The following CSTPP1 variants were observed in gnomAD, a reference collection of about 807,000 sequenced individuals.
CSTPP1 encodes the protein UPF0705 protein C11orf49.
the CSTPP1 span, among the ~76,000 whole-genome samples, chr11:47,032,912 A>G: frequency 6.6e-6 from 1 of 152,236 alleles, no homozygotes; most frequent in Non-Finnish European, 1.5e-5. Flanking sequence ...TGACCTTACC[A>G]ATAGCATTAA....
chr11:47,161,597 A>C, the CSTPP1 span: 1 of 1,613,914 alleles, frequency 6.2e-7, no homozygotes, highest in East Asian at 2.2e-5. Context: ...GGATGGAGAG[A>C]GTGATGGCTC....
At chr11:46,976,868 A>G in the CSTPP1 span, among the ~76,000 whole-genome samples, 3 of 152,142 alleles carry the variant, frequency 2.0e-5, no homozygotes, top group East Asian at 5.8e-4. Flanking sequence ...TTGCTTCCTG[A>G]GAATACTGAA....
the CSTPP1 span, among the ~76,000 whole-genome samples, chr11:46,966,310 G>C: frequency 2.6e-5 from 4 of 152,216 alleles, no homozygotes; most frequent in Admixed American, 2.6e-4. Context: ...CAAAGTGTTG[G>C]GATTACAGGC....
chr11:47,010,446 T>C, the CSTPP1 span, among the ~76,000 whole-genome samples: 1 of 152,234 alleles, frequency 6.6e-6, no homozygotes, highest in African/African-American at 2.4e-5. Context: ...CAGTAGCTGC[T>C]TATGGATCAG....
At chr11:46,968,346 TTTAA>T in the CSTPP1 span, among the ~76,000 whole-genome samples, 2 of 146,874 alleles carry the variant, frequency 1.4e-5, no homozygotes, top group African/African-American at 4.9e-5. Flanking sequence ...TATATATATA[TTTAA>T]TTAATATATA....
the CSTPP1 span, among the ~76,000 whole-genome samples, chr11:47,054,720 T>C: frequency 1.3e-5 from 2 of 152,110 alleles, no homozygotes; most frequent in South Asian, 4.2e-4. Flanking sequence ...AGAAGTCTGG[T>C]AGTAGTTGAG....
At chr11:46,950,897 G>A in the CSTPP1 span, among the ~76,000 whole-genome samples, 1 of 152,148 alleles carries the variant, frequency 6.6e-6, no homozygotes, top group Non-Finnish European at 1.5e-5. Flanking sequence ...AAAATGCTGG[G>A]ATTACAGCCA....
At chr11:47,038,811 C>G in the CSTPP1 span, among the ~76,000 whole-genome samples, 1 of 120,344 alleles carries the variant, frequency 8.3e-6, no homozygotes, top group Non-Finnish European at 2.0e-5. Flanking sequence ...CGGAGGGGCT[C>G]CTCACTTCTC....
the CSTPP1 span, among the ~76,000 whole-genome samples, chr11:46,989,856 G>C: frequency 6.6e-6 from 1 of 151,454 alleles, no homozygotes; most frequent in South Asian, 2.1e-4. Context: ...GTCCATGAAT[G>C]CTCAATGTTT....
chr11:46,967,339 T>C, the CSTPP1 span, among the ~76,000 whole-genome samples: 1 of 152,202 alleles, frequency 6.6e-6, no homozygotes, highest in Non-Finnish European at 1.5e-5. Context: ...CTCCAATGAA[T>C]TGCCTTGCCA....
At chr11:46,984,599 GAAGGAC>G in the CSTPP1 span, among the ~76,000 whole-genome samples, 3 of 150,026 alleles carry the variant, frequency 2.0e-5, no homozygotes, top group African/African-American at 7.4e-5. Context: ...TTTTTTTCTA[GAAGGAC>G]AAAAGTACTT....
the CSTPP1 span, chr11:47,161,613 A>G: frequency 6.2e-7 from 1 of 1,613,762 alleles, no homozygotes. Context: ...GGCTCCACTG[A>G]AGAGACAGAC....
chr11:46,948,851 T>C, the CSTPP1 span, among the ~76,000 whole-genome samples: 1 of 152,192 alleles, frequency 6.6e-6, no homozygotes, highest in Non-Finnish European at 1.5e-5. Context: ...TGGAATGCGA[T>C]GCATTGAAAG....
chr11:47,091,483 G>T, the CSTPP1 span, among the ~76,000 whole-genome samples: 2 of 152,158 alleles, frequency 1.3e-5, no homozygotes, highest in Non-Finnish European at 2.9e-5. Context: ...CAGTCTACGT[G>T]TTTTATGGAA....
At chr11:47,029,423 A>G in the CSTPP1 span, among the ~76,000 whole-genome samples, 1 of 152,002 alleles carries the variant, frequency 6.6e-6, no homozygotes, top group Non-Finnish European at 1.5e-5. Context: ...TCTAGCCAAC[A>G]TGGTGAAACC....
At chr11:47,057,486 C>T in the CSTPP1 span, among the ~76,000 whole-genome samples, 2 of 152,198 alleles carry the variant, frequency 1.3e-5, no homozygotes, top group Non-Finnish European at 2.9e-5. Flanking sequence ...GAATTGCCCT[C>T]TTGCCACTAA....
At chr11:47,086,808 AG>A in the CSTPP1 span, among the ~76,000 whole-genome samples, 1 of 152,210 alleles carries the variant, frequency 6.6e-6, no homozygotes, top group Non-Finnish European at 1.5e-5. Context: ...ATAACTGTGA[AG>A]GGGGTGAATG....
the CSTPP1 span, among the ~76,000 whole-genome samples, chr11:47,016,476 T>C: frequency 6.6e-6 from 1 of 150,642 alleles, no homozygotes; most frequent in East Asian, 1.9e-4. Context: ...TATATAAAAA[T>C]TGTATTTTTG....
the CSTPP1 span, among the ~76,000 whole-genome samples, chr11:47,064,941 A>G: frequency 2.0e-5 from 3 of 152,110 alleles, no homozygotes; most frequent in East Asian, 5.8e-4. Context: ...ACGGGGTTTC[A>G]TCATTTTGGT....
Sources: allele counts gnomAD v4.1 joint callset (sites outside exome capture counted in the v4.1 genomes callset), GRCh38; gene constraint gnomAD v4.1.1; transcripts MANE v1.5; gene names NCBI Gene and HGNC (gene_info 2026-07-23, HGNC 2026-07-21).